The following SLC25A26 variants were observed in gnomAD, a reference collection of about 807,000 sequenced individuals.
SLC25A26 encodes mitochondrial S-adenosylmethionine carrier protein.
A neutral mutation model predicts 37.8 loss-of-function variants in SLC25A26; 36 were observed. The ratio of observed to expected loss-of-function variants is 0.95; its 90% CI spans 0.73 to 1.26. The LOEUF is 1.26. SLC25A26 is among the 50% of genes most tolerant of loss of function. The pLI, the probability that SLC25A26 is intolerant of heterozygous loss-of-function variation, is 0.00. For missense variants in SLC25A26, 390 were observed against 331.1 expected, an observed-to-expected ratio of 1.18 and a Z score of -1.38; for synonymous variants, 129 against 122.5, an observed-to-expected ratio of 1.05 and a Z score of -0.35.
chr3:66,275,184 A>G (rs1010101337), intron 5 of SLC25A26, among the ~76,000 whole-genome samples: 5 of 145,616 alleles, frequency 3.4e-5, no homozygotes, highest in East Asian at 2.1e-4. Flanking sequence ...TCTCACTCAT[A>G]GATGGGAATT....
intron 6 of SLC25A26, among the ~76,000 whole-genome samples, chr3:66,360,408 TAAAC>T (rs2076670190): frequency 6.6e-6 from 1 of 152,138 alleles, no homozygotes; most frequent in Non-Finnish European, 1.5e-5. Flanking sequence ...AAAATGAAAA[TAAAC>T]AATAAAAGTT....
chr3:66,314,207 G>T (rs2075465369), intron 5 of SLC25A26, among the ~76,000 whole-genome samples: 7 of 152,134 alleles, frequency 4.6e-5, no homozygotes. Context: ...GGTTTTCAAA[G>T]GGAATGCTTC....
intron 1 of SLC25A26, among the ~76,000 whole-genome samples, chr3:66,190,675 C>T (rs960780208): frequency 1.3e-5 from 2 of 152,228 alleles, no homozygotes; most frequent in East Asian, 3.9e-4. Flanking sequence ...GTGATTGACC[C>T]GCCTCAGCCT....
At chr3:66,137,875 C>A (rs941764285) in intron 1 of SLC25A26, among the ~76,000 whole-genome samples, 2 of 151,920 alleles carry the variant, frequency 1.3e-5, no homozygotes, top group African/African-American at 4.8e-5. Flanking sequence ...GCTCTGTCAC[C>A]CAGGCTGGAG....
At position 66,348,415 on chromosome 3, in the gene SLC25A26, C is replaced by T. The variant is rs76299611; in HGVS notation, c.498+2007C>T. 3.0e-3 allele frequency among the ~76,000 whole-genome samples: 454 copies of T among 152,196 alleles called. 3 individuals carry two copies. The highest frequency in any genetic ancestry group is 0.016 in the East Asian group (83 of 5,182). On this transcript the variant is annotated intron_variant, in intron 6 of 9. Coordinates refer to ENST00000354883, the MANE Select transcript of SLC25A26 (RefSeq NM_001379210.1). ...AGGTTGCAATGTAAAATGTATTTCTCGCTGTGGATAATGGTCCAAAAACTT... is the reference window on the plus strand; with the variant it reads ...AGGTTGCAATGTAAAATGTATTTCTTGCTGTGGATAATGGTCCAAAAACTT...
intron 5 of SLC25A26, among the ~76,000 whole-genome samples, chr3:66,302,105 A>G (rs1161473284): frequency 3.9e-5 from 6 of 152,342 alleles, no homozygotes; most frequent in South Asian, 2.1e-4. Flanking sequence ...TCCAAGGCCT[A>G]TCACTTAGCT....
rs1431707539 is a variant in SLC25A26, at chr3:66,239,819, T to TC, written c.190+3119_190+3120insC. ...GGTTAATGAGTTTCCTTTCTTTCTT[T>TC]TTTTTTTTTTTTTTTTTTTTTAACA... is the stretch of plus-strand genomic sequence containing the variant. On this transcript the variant is annotated intron_variant, in intron 2 of 9. Coordinates refer to ENST00000354883, the MANE Select transcript of SLC25A26 (RefSeq NM_001379210.1). Among the ~76,000 whole-genome samples the TC allele has an allele frequency of 8.1e-4, 102 of 125,762 alleles. 1 individual carries two copies. Among genetic ancestry groups the TC allele is most frequent in the African/African-American group, 2.3e-3 (82 of 35,184 alleles). 82.5% of individuals were successfully genotyped at this position (125,762 alleles called of 152,430 possible). A position where few individuals can be genotyped will look rare whatever the true frequency, so the allele number is the denominator to read the frequency against.
intron 1 of SLC25A26, among the ~76,000 whole-genome samples, chr3:66,222,469 C>A (rs1456380464): frequency 1.3e-5 from 2 of 152,232 alleles, no homozygotes; most frequent in African/African-American, 4.8e-5. Context: ...GCGTGAGCCA[C>A]GGCGCCTGGC....
intron 5 of SLC25A26, among the ~76,000 whole-genome samples, chr3:66,288,934 C>G (rs1347755380): frequency 6.6e-6 from 1 of 152,104 alleles, no homozygotes; most frequent in Non-Finnish European, 1.5e-5. Context: ...CTAATTTACA[C>G]TCCCACCAAC....
intron 9 of SLC25A26, chr3:66,371,468 A>T: frequency 7.4e-7 from 1 of 1,347,076 alleles, no homozygotes; most frequent in South Asian, 2.1e-5. Flanking sequence ...CCTAGATTGA[A>T]ATTTTCCAGT....
At chr3:66,263,275 T>C (rs771954260) in intron 4 of SLC25A26, 57 bp from the exon 5 acceptor site, 2 of 1,290,604 alleles carry the variant, frequency 1.5e-6, no homozygotes, top group Admixed American at 1.8e-5. Context: ...GTATACAGAA[T>C]GTCCTTCAGA....
At chr3:66,195,543 G>C (rs2106801711) in intron 1 of SLC25A26, among the ~76,000 whole-genome samples, 1 of 152,360 alleles carries the variant, frequency 6.6e-6, no homozygotes, top group South Asian at 2.1e-4. Flanking sequence ...CCCACCACCT[G>C]TTCCTTCAAG....
intron 1 of SLC25A26, among the ~76,000 whole-genome samples, chr3:66,171,594 T>C (rs1010035557): frequency 2.6e-4 from 39 of 151,952 alleles, no homozygotes; most frequent in African/African-American, 9.2e-4. Context: ...GGCTTAAGTA[T>C]TTCTCATGCC....
chr3:66,190,391 T>A (rs1212611422), intron 1 of SLC25A26, among the ~76,000 whole-genome samples: 1 of 152,066 alleles, frequency 6.6e-6, no homozygotes, highest in Non-Finnish European at 1.5e-5. Context: ...TTGCCTCAGG[T>A]AAAGCATAGG....
chr3:66,356,649 G>A (rs768622476), intron 6 of SLC25A26, among the ~76,000 whole-genome samples: 34 of 152,212 alleles, frequency 2.2e-4, no homozygotes, highest in Non-Finnish European at 4.0e-4. Context: ...TATTTTTTGA[G>A]ATAGGGTCTT....
chr3:66,295,220 A>T (rs1046377554), intron 5 of SLC25A26, among the ~76,000 whole-genome samples: 2 of 150,388 alleles, frequency 1.3e-5, no homozygotes, highest in Admixed American at 6.6e-5. Context: ...CATTTTCTCA[A>T]ATTTGCTTGT....
At chr3:66,234,630 A>G (rs2072188944) in intron 1 of SLC25A26, among the ~76,000 whole-genome samples, 1 of 152,188 alleles carries the variant, frequency 6.6e-6, no homozygotes, top group Admixed American at 6.5e-5. Context: ...GAAAATAGGT[A>G]TTGGATTTAT....
At chr3:66,190,453 G>A (rs992137799) in intron 1 of SLC25A26, among the ~76,000 whole-genome samples, 1 of 152,122 alleles carries the variant, frequency 6.6e-6, no homozygotes, top group African/African-American at 2.4e-5. Flanking sequence ...TTTTGAGATG[G>A]AGTATCACTC....
chr3:66,232,136 A>G (rs1407941383), intron 1 of SLC25A26, among the ~76,000 whole-genome samples: 1 of 152,228 alleles, frequency 6.6e-6, no homozygotes, highest in Non-Finnish European at 1.5e-5. Context: ...AAGGTTTGAT[A>G]ATTTAAAATG....
Sources: gnomAD v4.1 joint callset for allele counts (sites outside exome capture counted in the v4.1 genomes callset) on GRCh38, gnomAD v4.1.1 for gene constraint, MANE v1.5 for transcripts, NCBI Gene and HGNC (gene_info 2026-07-23, HGNC 2026-07-21) for gene names.